SLC9A7: variants seen among roughly 807,000 people sequenced by gnomAD.
SLC9A7 encodes solute carrier family 9 member A7, also known as sodium/hydrogen exchanger 7.
SLC9A7 carries 19 observed loss-of-function variants against 52.6 expected under a neutral mutation model. The ratio of observed to expected loss-of-function variants is 0.36; its 90% confidence interval spans 0.25 to 0.53. SLC9A7 has a LOEUF of 0.53. Among genes scored for constraint, SLC9A7 ranks in the 20% least tolerant of loss-of-function variants. The pLI is 0.91. For synonymous variants in SLC9A7, 226 were observed against 252.1 expected (o/e 0.90, Z 0.98); for missense variants, 455 against 597.9 (o/e 0.76, Z 2.49).
intron 1 of SLC9A7, 132 bp downstream of exon 1, chrX:46,758,573 C>A: frequency 2.5e-6 from 1 of 407,356 alleles, no homozygotes; most frequent in Non-Finnish European, 4.1e-6. Flanking sequence ...CCTTGGGAAC[C>A]AACACCGTCG....
chrX:46,688,191 T>C (rs753184936), intron 1 of SLC9A7, among the ~76,000 whole-genome samples: 2 of 112,316 alleles, frequency 1.8e-5, no homozygotes, highest in East Asian at 5.5e-4. Context: ...AGTAGATACC[T>C]AGGAGTGGAA....
At chrX:46,622,724 G>A (rs1943065681) in intron 14 of SLC9A7, among the ~76,000 whole-genome samples, 1 of 111,368 alleles carries the variant, frequency 9.0e-6, no homozygotes, top group African/African-American at 3.3e-5. Flanking sequence ...CAAGAACCCC[G>A]GAAGTTAAAA....
At chrX:46,745,120 C>A (rs907663308) in intron 1 of SLC9A7, among the ~76,000 whole-genome samples, 1 of 111,668 alleles carries the variant, frequency 9.0e-6, no homozygotes, top group African/African-American at 3.3e-5. Flanking sequence ...AAGAACAAGG[C>A]AACTTTAAAA....
intron 4 of SLC9A7, among the ~76,000 whole-genome samples, chrX:46,671,190 C>T (rs935561972): frequency 3.6e-5 from 4 of 111,627 alleles, no homozygotes; most frequent in Non-Finnish European, 5.6e-5. Flanking sequence ...GGATCTTATC[C>T]GGGATACCAC....
At chrX:46,746,679 T>C (rs1220601979) in intron 1 of SLC9A7, among the ~76,000 whole-genome samples, 9 of 112,313 alleles carry the variant, frequency 8.0e-5, no homozygotes, top group Admixed American at 4.7e-4. Context: ...GGAACCCTCA[T>C]ACACAGTTGG....
chrX:46,752,406 G>A (rs1046709373), intron 1 of SLC9A7, among the ~76,000 whole-genome samples: 21 of 111,195 alleles, frequency 1.9e-4, no homozygotes, highest in Non-Finnish European at 2.6e-4. Flanking sequence ...CAAGTTTCTC[G>A]TACTACATTT....
At chrX:46,670,583 C>A (rs372608464) in intron 4 of SLC9A7, among the ~76,000 whole-genome samples, 1 of 111,199 alleles carries the variant, frequency 9.0e-6, no homozygotes, top group Non-Finnish European at 1.9e-5. Context: ...TAACCATGGA[C>A]TTGACTCATT....
At chrX:46,654,993 T>C (rs1410353632) in intron 7 of SLC9A7, among the ~76,000 whole-genome samples, 2 of 100,443 alleles carry the variant, frequency 2.0e-5, no homozygotes, top group Admixed American at 2.1e-4. Context: ...TTTTTTTTTT[T>C]TTTTTTTTTG....
chrX:46,637,551 G>A (rs1283750339), intron 12 of SLC9A7, among the ~76,000 whole-genome samples: 1 of 111,308 alleles, frequency 9.0e-6, no homozygotes, highest in Non-Finnish European at 1.9e-5. Flanking sequence ...AGTTCATTTG[G>A]CCACCTGGGT....
chrX:46,624,084 G>A (rs1379315880), intron 14 of SLC9A7, among the ~76,000 whole-genome samples: 1 of 112,421 alleles, frequency 8.9e-6, no homozygotes, highest in African/African-American at 3.2e-5. Flanking sequence ...CCAAGTTGGC[G>A]CCACATACTC....
chrX:46,700,875 G>T (rs150230606), intron 1 of SLC9A7, among the ~76,000 whole-genome samples: 75 of 111,087 alleles, frequency 6.8e-4, no homozygotes, highest in African/African-American at 2.4e-3. Context: ...TCTAACACAG[G>T]GTCCCTAACC....
intron 3 of SLC9A7, among the ~76,000 whole-genome samples, chrX:46,676,829 C>T (rs779205679): frequency 9.0e-6 from 1 of 111,482 alleles, no homozygotes; most frequent in African/African-American, 3.3e-5. Context: ...CTTTTTTGTA[C>T]AGAAAACCTA....
At chrX:46,688,984 T>A (rs759623169) in intron 1 of SLC9A7, among the ~76,000 whole-genome samples, 8 of 101,977 alleles carry the variant, frequency 7.8e-5, no homozygotes, top group Middle Eastern at 4.9e-3. Flanking sequence ...TGTCTTAAAA[T>A]TTTTTTTTTG....
Position 46,679,561 on chromosome X carries a change from G to A in SLC9A7, c.603+117C>T, listed in dbSNP as rs1944177467. 10 of 523,376 alleles carry A rather than the reference G, an allele frequency of 1.9e-5. No individual in the cohort carries two copies. The South Asian group carries it at 3.1e-4, about 16-fold the overall frequency. 43.1% of individuals were successfully genotyped at this position (523,376 alleles called of 1,213,427 possible). Reference sequence around the variant, plus strand: ...ATGAGAAGTCAACTATAGTCTCTGAGTGGGTGCAGAACAAAGTAATAAGCA... The same window carrying A: ...ATGAGAAGTCAACTATAGTCTCTGAATGGGTGCAGAACAAAGTAATAAGCA... On this transcript the variant is annotated intron_variant, in intron 3 of 16. Transcript: ENST00000616978.
chrX:46,655,785 A>G (rs894078902), intron 7 of SLC9A7, among the ~76,000 whole-genome samples: 2 of 112,534 alleles, frequency 1.8e-5, no homozygotes, highest in Non-Finnish European at 3.8e-5. Context: ...GGCGGCAGCG[A>G]GGCTGGGGGA....
intron 1 of SLC9A7, among the ~76,000 whole-genome samples, chrX:46,732,967 G>GT (rs1945067298): frequency 8.9e-6 from 1 of 112,311 alleles, no homozygotes; most frequent in African/African-American, 3.2e-5. Flanking sequence ...ACAAGGTGCA[G>GT]TACAGGACAC....
At chrX:46,693,237 T>A (rs139673086) in intron 1 of SLC9A7, among the ~76,000 whole-genome samples, 123 of 111,604 alleles carry the variant, frequency 1.1e-3, no homozygotes, top group African/African-American at 3.8e-3. Context: ...TGGCAGAAAT[T>A]GACAAGCTGA....
At chrX:46,617,750 T>C (rs1227680940) in intron 15 of SLC9A7, among the ~76,000 whole-genome samples, 1 of 112,132 alleles carries the variant, frequency 8.9e-6, no homozygotes, top group Non-Finnish European at 1.9e-5. Context: ...GATGAAACTT[T>C]AGAGATAACT....
intron 14 of SLC9A7, among the ~76,000 whole-genome samples, chrX:46,626,289 T>G (rs770783785): frequency 9.7e-4 from 109 of 112,450 alleles, no homozygotes; most frequent in Middle Eastern, 4.6e-3. Flanking sequence ...TTTTTTCTTT[T>G]TCGGACATGG....
Sources: gnomAD v4.1 joint callset for allele counts (sites outside exome capture counted in the v4.1 genomes callset) on GRCh38, gnomAD v4.1.1 for gene constraint, MANE v1.5 for transcripts, NCBI Gene and HGNC (gene_info 2026-07-23, HGNC 2026-07-21) for gene names.